The following EVC2 variants were observed in gnomAD, a reference collection of about 807,000 sequenced individuals.
The protein encoded by EVC2 is EvC ciliary complex subunit 2.
A neutral mutation model predicts 149.3 loss-of-function variants in EVC2; 148 were observed. That is an observed-to-expected ratio of 0.99 (90% CI 0.87 to 1.14). The LOEUF is 1.14. EVC2 is among the 50% of genes most tolerant of loss of function. The pLI is 0.00. For synonymous variants in EVC2, 776 were observed against 649.9 expected (o/e 1.19, Z -2.95); for missense variants, 1,854 against 1,627.3 (o/e 1.14, Z -2.40).
Position 5,562,773 on chromosome 4 carries a change from AAC to A in EVC2, c.*73_*74del. The A allele has an allele frequency of 6.2e-7, 1 of 1,605,582 alleles. No individual in the cohort carries two copies. Among genetic ancestry groups the A allele is most frequent in the Non-Finnish European group, 8.5e-7 (1 of 1,179,892 alleles). The stretch of plus-strand genomic sequence containing the variant: ...TTATATTTGCGAGTTGTGCATTATA[AAC>A]ACACAAACACCGGCGGGCAGGAGAA... On this transcript the variant is annotated 3_prime_UTR_variant, in exon 22 of 22. Coordinates refer to ENST00000344408, the MANE Select transcript of EVC2 (RefSeq NM_147127.5). This position sits in a 1 kb window ranked among gnomAD's most constrained non-coding sequence, Gnocchi z 4.3.
chr4:5,556,697 C>A (rs1194011617), intron 21 of EVC2, among the ~76,000 whole-genome samples: 8 of 151,694 alleles, frequency 5.3e-5, no homozygotes, highest in Admixed American at 5.3e-4. Flanking sequence ...CCAGACTAAC[C>A]AAGAAAAAAA....
At chr4:5,580,830 T>A (rs538805395) in intron 17 of EVC2, among the ~76,000 whole-genome samples, 18 of 152,402 alleles carry the variant, frequency 1.2e-4, no homozygotes, top group Non-Finnish European at 8.8e-5. Context: ...TCCCCAGTGT[T>A]GGAGGTGAGG....
chr4:5,595,059 G>C (rs1402984015), intron 16 of EVC2, among the ~76,000 whole-genome samples: 1 of 152,140 alleles, frequency 6.6e-6, no homozygotes, highest in African/African-American at 2.4e-5. Context: ...CAAGAAATAT[G>C]GGACTATGTG....
the EVC2 span, among the ~76,000 whole-genome samples, chr4:5,532,524 G>A: frequency 6.6e-6 from 1 of 152,126 alleles, no homozygotes; most frequent in Non-Finnish European, 1.5e-5. Context: ...GTATGACTGA[G>A]CCTGCATGTT....
At chr4:5,661,037 T>C (rs1012508090) in intron 9 of EVC2, among the ~76,000 whole-genome samples, 3 of 152,214 alleles carry the variant, frequency 2.0e-5, no homozygotes, top group African/African-American at 7.2e-5. Flanking sequence ...TAAGGTATTT[T>C]ATCTGAAAAC....
intron 16 of EVC2, among the ~76,000 whole-genome samples, chr4:5,596,895 C>T (rs1277770059): frequency 6.6e-6 from 1 of 152,160 alleles, no homozygotes; most frequent in Admixed American, 6.5e-5. Context: ...CACCACCGAT[C>T]CCATAGAAAT....
At chr4:5,587,270 G>A (rs965740859) in intron 16 of EVC2, among the ~76,000 whole-genome samples, 3 of 152,006 alleles carry the variant, frequency 2.0e-5, no homozygotes, top group African/African-American at 7.3e-5. Flanking sequence ...TTATTCCCCA[G>A]TCCTCCCACC....
At chr4:5,704,252 G>A (rs1230383990) in intron 1 of EVC2, among the ~76,000 whole-genome samples, 1 of 152,206 alleles carries the variant, frequency 6.6e-6, no homozygotes, top group Non-Finnish European at 1.5e-5. Context: ...TTTGTAAAGA[G>A]AGTGAAAACT....
At chr4:5,588,410 T>C (rs1329802619) in intron 16 of EVC2, among the ~76,000 whole-genome samples, 4 of 152,194 alleles carry the variant, frequency 2.6e-5, no homozygotes, top group Non-Finnish European at 5.9e-5. Flanking sequence ...ACACTGAGCT[T>C]CTTAAATCTG....
intron 12 of EVC2, among the ~76,000 whole-genome samples, chr4:5,626,960 A>T (rs1473282201): frequency 6.6e-6 from 1 of 152,210 alleles, no homozygotes; most frequent in African/African-American, 2.4e-5. Flanking sequence ...CAGGCAGCAG[A>T]CAATGGGATT....
At chr4:5,529,186 G>C in the EVC2 span, among the ~76,000 whole-genome samples, 1 of 152,136 alleles carries the variant, frequency 6.6e-6, no homozygotes, top group African/African-American at 2.4e-5. The surrounding 1 kb of genome is among the most constrained non-coding windows in gnomAD (Gnocchi z 4.5). Context: ...AATGGTACAT[G>C]TGACTGGGAG....
At chr4:5,553,599 C>T (rs1178389194) in intron 21 of EVC2, among the ~76,000 whole-genome samples, 1 of 152,030 alleles carries the variant, frequency 6.6e-6, no homozygotes, top group Non-Finnish European at 1.5e-5. Context: ...TAAGCAGATA[C>T]AAGATTTTTG....
At chr4:5,664,240 T>C (rs1304873469) in intron 8 of EVC2, among the ~76,000 whole-genome samples, 2 of 152,184 alleles carry the variant, frequency 1.3e-5, no homozygotes, top group South Asian at 2.1e-4. Context: ...AAGAGCCCGG[T>C]TGATTTTTAA....
In EVC2 at chr4:5,708,397, C is replaced by G; in HGVS notation, c.117G>C (p.Trp39Cys). 1.0e-5 allele frequency: 15 copies of G among 1,498,020 alleles called. No homozygotes were observed. Among genetic ancestry groups the G allele is most frequent in the Non-Finnish European group, 1.3e-5 (15 of 1,130,946 alleles). 92.8% of individuals were successfully genotyped at this position (1,498,020 alleles called of 1,614,324 possible). Residue 39 changes from tryptophan (W) to cysteine (C), a missense_variant, in exon 1 of 22, where the codon TGG becomes TGC. Physicochemically the swap from Trp to Cys is radical, Grantham distance 215. Transcript: ENST00000344408. Reference protein sequence around the residue: ...GCLGASSRPRWRPLGAQPPRD... With the variant: ...GCLGASSRPRCRPLGAQPPRD... ...GGGGTGGCTGCGCGCCGAGGGGGCG[C>G]CAGCGGGGACGTGAGCTGGCGCCGA... is the stretch of plus-strand genomic sequence containing the variant.
chr4:5,694,639 T>A, intron 2 of EVC2, 138 bp from the exon 3 acceptor site: 2 of 892,278 alleles, frequency 2.2e-6, no homozygotes, highest in South Asian at 1.4e-5. Context: ...AATGAAGGAA[T>A]GAATGATATC....
chr4:5,602,855 A>G (rs1312520585), intron 16 of EVC2, among the ~76,000 whole-genome samples: 4 of 152,200 alleles, frequency 2.6e-5, no homozygotes, highest in African/African-American at 9.6e-5. Flanking sequence ...ACAGAAATCA[A>G]GAAGTAGCAA....
rs1202283274 is a variant in EVC2, at chr4:5,696,390, C to T, written c.283+1203G>A. Reference sequence around the variant, plus strand: ...GAGCCAAGTGGGGCCCACCCGAATCCCAGCCCATCCCATTCCCCAGGACAC... The same window carrying T: ...GAGCCAAGTGGGGCCCACCCGAATCTCAGCCCATCCCATTCCCCAGGACAC... On this transcript the variant is annotated intron_variant, in intron 2 of 21. Transcript: ENST00000344408. This position sits in a 1 kb window ranked among gnomAD's most constrained non-coding sequence, Gnocchi z 4.1. 6.6e-6 allele frequency among the ~76,000 whole-genome samples: 1 copy of T among 152,182 alleles called. No individual in the cohort carries two copies.
intron 9 of EVC2, among the ~76,000 whole-genome samples, chr4:5,645,291 T>C (rs10024750): frequency 0.49 from 72,843 of 150,022 alleles, 18,567 homozygotes; most frequent in East Asian, 0.59. Flanking sequence ...CAGGGGTATA[T>C]GTGTAGGTTT....
At chr4:5,590,348 C>A (rs1179941589) in intron 16 of EVC2, among the ~76,000 whole-genome samples, 2 of 152,082 alleles carry the variant, frequency 1.3e-5, no homozygotes. Flanking sequence ...ATTCTAAGCC[C>A]CTAACTGACT....
Sources: allele counts gnomAD v4.1 joint callset (sites outside exome capture counted in the v4.1 genomes callset), GRCh38; gene constraint gnomAD v4.1.1; non-coding constraint Gnocchi (gnomAD v3.1); transcripts MANE v1.5; gene names NCBI Gene and HGNC (gene_info 2026-07-23, HGNC 2026-07-21).